GABRA2: variants seen among roughly 807,000 people sequenced by gnomAD.
GABRA2 encodes the protein gamma-aminobutyric acid type A receptor subunit alpha2.
A neutral mutation model predicts 48.7 loss-of-function variants in GABRA2; 16 were observed. The ratio of observed to expected loss-of-function variants is 0.33; its 90% CI spans 0.22 to 0.50. GABRA2 has a LOEUF of 0.50. Among genes scored for constraint, GABRA2 ranks in the 20% least tolerant of loss-of-function variants. The pLI is 0.98. For synonymous variants in GABRA2, 185 were observed against 184.5 expected, an observed-to-expected ratio of 1.00 and a Z score of -0.02; for missense variants, 275 against 535.6, an observed-to-expected ratio of 0.51 and a Z score of 4.80.
intron 9 of GABRA2, among the ~76,000 whole-genome samples, chr4:46,254,254 C>T (rs1245836003): frequency 6.6e-6 from 1 of 151,440 alleles, no homozygotes. Flanking sequence ...ACACCATCAG[C>T]AGGTTGAATC....
chr4:46,290,920 C>G (rs1181464030), intron 8 of GABRA2, among the ~76,000 whole-genome samples: 1 of 151,690 alleles, frequency 6.6e-6, no homozygotes, highest in Non-Finnish European at 1.5e-5. Flanking sequence ...GTTGATCCAC[C>G]CTTGTTTATC....
chr4:46,255,505 G>A (rs1351609349), intron 9 of GABRA2, among the ~76,000 whole-genome samples: 1 of 151,278 alleles, frequency 6.6e-6, no homozygotes, highest in Non-Finnish European at 1.5e-5. Flanking sequence ...CATATCAGAA[G>A]GTGAAGATTT....
intron 3 of GABRA2, among the ~76,000 whole-genome samples, chr4:46,375,189 T>C (rs1715510422): frequency 1.3e-5 from 2 of 152,152 alleles, no homozygotes; most frequent in Non-Finnish European, 1.5e-5. Context: ...TGATGATAAG[T>C]TGATATCCCT....
At chr4:46,311,477 A>G (rs943589566) in intron 5 of GABRA2, among the ~76,000 whole-genome samples, 1 of 152,188 alleles carries the variant, frequency 6.6e-6, no homozygotes, top group Admixed American at 6.5e-5. Context: ...TTAACTTTAG[A>G]TTCCACATAA....
intron 3 of GABRA2, among the ~76,000 whole-genome samples, chr4:46,349,325 C>T (rs74525716): frequency 0.017 from 2,556 of 151,852 alleles, 32 homozygotes; most frequent in Non-Finnish European, 0.024. Flanking sequence ...CTGTTTTTAT[C>T]TCCTTGTTGG....
At chr4:46,328,070 G>A (rs1730687835) in intron 4 of GABRA2, among the ~76,000 whole-genome samples, 2 of 152,008 alleles carry the variant, frequency 1.3e-5, no homozygotes, top group Non-Finnish European at 2.9e-5. Flanking sequence ...GAGCAAGTTA[G>A]AAATTGCTAA....
chr4:46,258,522 G>A (rs559945525), intron 9 of GABRA2, among the ~76,000 whole-genome samples: 1 of 151,728 alleles, frequency 6.6e-6, no homozygotes, highest in African/African-American at 2.4e-5. Context: ...TGAGAATCAC[G>A]CAGTGAATAC....
intron 8 of GABRA2, among the ~76,000 whole-genome samples, chr4:46,275,144 G>A (rs1720234784): frequency 6.6e-6 from 1 of 151,918 alleles, no homozygotes. Flanking sequence ...CTTCTGAGTG[G>A]ATTCACCTAT....
intron 3 of GABRA2, among the ~76,000 whole-genome samples, chr4:46,342,575 T>A (rs1279742235): frequency 1.3e-5 from 2 of 152,052 alleles, no homozygotes; most frequent in African/African-American, 2.4e-5. Flanking sequence ...TAAACATGCC[T>A]GATATTTCAC....
chr4:46,360,937 A>C (rs1218218029), intron 3 of GABRA2, among the ~76,000 whole-genome samples: 1 of 152,200 alleles, frequency 6.6e-6, no homozygotes, highest in Non-Finnish European at 1.5e-5. Flanking sequence ...TGGCACTCTG[A>C]ACTTGAGAAG....
intron 8 of GABRA2, among the ~76,000 whole-genome samples, chr4:46,268,545 G>C (rs557543218): frequency 1.3e-5 from 2 of 151,986 alleles, no homozygotes; most frequent in African/African-American, 4.8e-5. Flanking sequence ...AAGAGAACAT[G>C]TGTTGGCAAG....
chr4:46,340,535 A>T (rs1733040963), intron 3 of GABRA2, among the ~76,000 whole-genome samples: 1 of 151,902 alleles, frequency 6.6e-6, no homozygotes, highest in South Asian at 2.1e-4. Context: ...ATTTTGTCAA[A>T]TTATTGTTTT....
At chr4:46,327,347 A>G (rs892996849) in intron 4 of GABRA2, among the ~76,000 whole-genome samples, 5 of 152,024 alleles carry the variant, frequency 3.3e-5, no homozygotes, top group Middle Eastern at 3.2e-3. Context: ...GTATCTATAA[A>G]TCACATTTTG....
At chr4:46,258,628 G>T (rs1170052015) in intron 9 of GABRA2, among the ~76,000 whole-genome samples, 1 of 151,826 alleles carries the variant, frequency 6.6e-6, no homozygotes, top group Admixed American at 6.6e-5. Flanking sequence ...CTGAACTCTG[G>T]CAGAGAATCA....
rs1553894806 is a variant in GABRA2 at position 46,249,034 on chromosome 4, A to ATGTGTGTGTGTGTGCGTGTG, written c.*1273_*1274insCACACGCACACACACACACA. ...ATTGTGTTTTCTAATTTAGCTGTGT[A>ATGTGTGTGTGTGTGCGTGTG]TGTGTGTGTGTGTGTGTGTGTGTGT... is the stretch of plus-strand genomic sequence containing the variant. On this transcript the variant is annotated 3_prime_UTR_variant, in exon 10 of 10. Coordinates refer to ENST00000381620, the MANE Select transcript of GABRA2 (RefSeq NM_000807.4). 4.9e-5 allele frequency: 7 copies of ATGTGTGTGTGTGTGCGTGTG among 143,330 alleles called. No individual in the cohort carries two copies. In the South Asian group the frequency reaches 9.1e-4, roughly 19 times the overall value. 8.9% of individuals were successfully genotyped at this position (143,330 alleles called of 1,614,324 possible). A position where few individuals can be genotyped will look rare whatever the true frequency, so the allele number is the denominator to read the frequency against.
intron 3 of GABRA2, among the ~76,000 whole-genome samples, chr4:46,360,477 A>G (rs1400522261): frequency 6.6e-6 from 1 of 152,182 alleles, no homozygotes; most frequent in Admixed American, 6.6e-5. Flanking sequence ...CTTGCTCCTC[A>G]TTGCCTGTCA....
At chr4:46,303,106 T>C (rs1726027636) in intron 8 of GABRA2, 1 of 220,406 alleles carries the variant, frequency 4.5e-6, no homozygotes. Flanking sequence ...AAATACATAG[T>C]AGGTGTTTGA....
Position 46,271,207 on chromosome 4 carries a change from G to T in GABRA2, c.857-9079C>A, listed in dbSNP as rs754154701. On this transcript the variant is annotated intron_variant, in intron 8 of 9. Transcript: ENST00000381620. ...GTAAAATTGTTTGATACCACCTGCT[G>T]GTTATTGCTTGGAATGACAGAAACA... Among the ~76,000 whole-genome samples, 8 of 152,028 alleles carry T rather than the reference G, an allele frequency of 5.3e-5. No homozygotes were observed. In the Admixed American group the frequency reaches 5.3e-4, roughly 10 times the overall value.
chr4:46,286,518 C>A (rs568031929), intron 8 of GABRA2, among the ~76,000 whole-genome samples: 19 of 151,942 alleles, frequency 1.3e-4, no homozygotes, highest in Non-Finnish European at 2.4e-4. Flanking sequence ...TTGTAAGGAG[C>A]CATCAAATTT....
Sources: gnomAD v4.1 joint callset for allele counts (sites outside exome capture counted in the v4.1 genomes callset) on GRCh38, gnomAD v4.1.1 for gene constraint, MANE v1.5 for transcripts, NCBI Gene and HGNC (gene_info 2026-07-23, HGNC 2026-07-21) for gene names.